NDST4: variants seen among roughly 807,000 people sequenced by gnomAD.
NDST4 encodes N-heparan sulfate sulfotransferase 4.
A neutral mutation model predicts 100.8 loss-of-function variants in NDST4; 63 were observed. The ratio of observed to expected loss-of-function variants is 0.62; its 90% CI spans 0.51 to 0.77. The LOEUF is 0.77. Among genes scored for constraint, NDST4 ranks in the 30% least tolerant of loss-of-function variants. The pLI is 0.00. For synonymous variants in NDST4, 377 were observed against 361.8 expected (o/e 1.04, Z -0.48); for missense variants, 943 against 1,018.4 (o/e 0.93, Z 1.01).
chr4:114,966,401 T>C (rs1459649260), intron 4 of NDST4, among the ~76,000 whole-genome samples: 3 of 150,926 alleles, frequency 2.0e-5, no homozygotes, highest in Admixed American at 1.3e-4. Context: ...TTTTTAAACA[T>C]ATTACAAGAG....
At chr4:114,833,754 T>A in intron 11 of NDST4, 39 bp from the exon 12 acceptor site, 1 of 1,304,824 alleles carries the variant, frequency 7.7e-7, no homozygotes, top group Non-Finnish European at 1.1e-6. Context: ...AAGAAAAAAA[T>A]TAAATTGAAT....
chr4:115,087,531 G>GTTTTAAA (rs1263706273), intron 1 of NDST4, among the ~76,000 whole-genome samples: 106 of 151,776 alleles, frequency 7.0e-4, no homozygotes, highest in African/African-American at 2.4e-3. Context: ...CCTTGACAGT[G>GTTTTAAA]GATGGTTTTA....
At chr4:115,002,397 C>A (rs1727310528) in intron 2 of NDST4, among the ~76,000 whole-genome samples, 1 of 152,068 alleles carries the variant, frequency 6.6e-6, no homozygotes, top group Non-Finnish European at 1.5e-5. Context: ...TGGATATTAG[C>A]CCTTTGTCAG....
intron 6 of NDST4, among the ~76,000 whole-genome samples, chr4:114,887,210 A>C (rs1724497249): frequency 6.6e-6 from 1 of 152,212 alleles, no homozygotes; most frequent in Non-Finnish European, 1.5e-5. Flanking sequence ...AAGACCTTTA[A>C]GAATATCTGG....
intron 6 of NDST4, among the ~76,000 whole-genome samples, chr4:114,900,027 A>C (rs933165353): frequency 6.6e-6 from 1 of 152,100 alleles, no homozygotes; most frequent in Admixed American, 6.6e-5. Context: ...TAATCCTAAT[A>C]AGATTGTTTA....
intron 7 of NDST4, among the ~76,000 whole-genome samples, chr4:114,860,513 C>G (rs1294765050): frequency 6.6e-6 from 1 of 152,150 alleles, no homozygotes; most frequent in Non-Finnish European, 1.5e-5. Flanking sequence ...TAAAGCCACA[C>G]TCCCTGGATT....
chr4:114,946,215 A>T lies in NDST4; in HGVS notation c.1222-8712T>A, dbSNP rs1295327999. Among the ~76,000 whole-genome samples the T allele has an allele frequency of 2.0e-5, 3 of 152,166 alleles. No individual in the cohort carries two copies. In the East Asian group the frequency reaches 5.8e-4, roughly 29 times the overall value. On this transcript the variant is annotated intron_variant, in intron 4 of 13. Coordinates refer to ENST00000264363, the MANE Select transcript of NDST4 (RefSeq NM_022569.3). ...AATTTTGGTTCTGAAGTCTTACTTT[A>T]TTGACAATCAACATGTCCAACACAT...
chr4:115,084,258 TGA>T (rs371479960), intron 1 of NDST4, among the ~76,000 whole-genome samples: 82 of 152,188 alleles, frequency 5.4e-4, no homozygotes, highest in African/African-American at 1.9e-3. Context: ...ACTTTGAACT[TGA>T]GAGAGATGAT....
intron 2 of NDST4, among the ~76,000 whole-genome samples, chr4:115,018,797 T>TAAAAATATATTAATATCAATAG (rs1393582395): frequency 6.6e-6 from 1 of 151,978 alleles, no homozygotes; most frequent in African/African-American, 2.4e-5. Flanking sequence ...ACATGCTTGG[T>TAAAAATATATTAATATCAATAG]AAAAATATAT....
chr4:114,939,229 A>G (rs775928746), intron 4 of NDST4, among the ~76,000 whole-genome samples: 1 of 152,084 alleles, frequency 6.6e-6, no homozygotes, highest in Non-Finnish European at 1.5e-5. Context: ...TGTGAGACAG[A>G]TTTTTCTCAT....
chr4:115,068,443 T>C (rs781552634), intron 2 of NDST4, among the ~76,000 whole-genome samples: 3 of 152,136 alleles, frequency 2.0e-5, no homozygotes, highest in Non-Finnish European at 2.9e-5. Context: ...TTGTCTTATA[T>C]GCAAAATACA....
At chr4:115,077,641 C>T (rs1000945439) in intron 1 of NDST4, among the ~76,000 whole-genome samples, 11 of 152,122 alleles carry the variant, frequency 7.2e-5, no homozygotes, top group African/African-American at 2.4e-4. Flanking sequence ...AACTGATAAC[C>T]ATTATATACA....
chr4:114,991,116 T>C (rs1232181630), intron 2 of NDST4, among the ~76,000 whole-genome samples: 1 of 152,094 alleles, frequency 6.6e-6, no homozygotes, highest in Non-Finnish European at 1.5e-5. Context: ...TTCGGATTTC[T>C]AAGCTAAGCA....
At chr4:115,037,248 A>G (rs943554347) in intron 2 of NDST4, among the ~76,000 whole-genome samples, 4 of 152,140 alleles carry the variant, frequency 2.6e-5, no homozygotes, top group Non-Finnish European at 4.4e-5. Flanking sequence ...GTGACCCAAG[A>G]AAACAGAGTT....
chr4:114,965,956 T>C (rs1207811508), intron 4 of NDST4, among the ~76,000 whole-genome samples: 1 of 152,018 alleles, frequency 6.6e-6, no homozygotes, highest in East Asian at 1.9e-4. Context: ...ATTGTTGTTA[T>C]TGAAGCTTTG....
chr4:114,903,257 A>T (rs570564353), intron 6 of NDST4, among the ~76,000 whole-genome samples: 7 of 152,186 alleles, frequency 4.6e-5, no homozygotes, highest in African/African-American at 1.7e-4. Context: ...CGAGGACAGA[A>T]CTTGTTAAGA....
At chr4:114,877,087 C>CACACAA (rs367579960) in intron 6 of NDST4, among the ~76,000 whole-genome samples, 1 of 151,486 alleles carries the variant, frequency 6.6e-6, no homozygotes, top group Non-Finnish European at 1.5e-5. Context: ...CACACACACA[C>CACACAA]GCGTGCACGC....
intron 4 of NDST4, among the ~76,000 whole-genome samples, chr4:114,947,160 G>T (rs1163536909): frequency 6.6e-6 from 1 of 152,180 alleles, no homozygotes; most frequent in Non-Finnish European, 1.5e-5. Flanking sequence ...AGGTATTAAA[G>T]TGAGAACAAT....
intron 2 of NDST4, among the ~76,000 whole-genome samples, chr4:115,044,775 A>G (rs1204762665): frequency 6.6e-6 from 1 of 151,586 alleles, no homozygotes; most frequent in Non-Finnish European, 1.5e-5. Flanking sequence ...ATACAATATA[A>G]TTATGTATAA....
Sources: allele counts gnomAD v4.1 joint callset (sites outside exome capture counted in the v4.1 genomes callset), GRCh38; gene constraint gnomAD v4.1.1; transcripts MANE v1.5; gene names NCBI Gene and HGNC (gene_info 2026-07-23, HGNC 2026-07-21).